Variants in FCHSD2 observed in about 807,000 individuals in gnomAD.
The protein encoded by FCHSD2 is F-BAR and double SH3 domains protein 2.
FCHSD2 carries 38 observed loss-of-function variants against 108.1 expected under a neutral mutation model. The ratio of observed to expected loss-of-function variants is 0.35; its 90% CI spans 0.27 to 0.46. The LOEUF (loss-of-function observed/expected upper bound fraction) is 0.46, where lower values mean the gene tolerates loss of function less well. Among genes scored for constraint, FCHSD2 ranks in the 20% least tolerant of loss-of-function variants. The pLI is 1.00. For missense variants in FCHSD2, 751 were observed against 897.8 expected (o/e 0.84, Z 2.09); for synonymous variants, 279 against 314.7 (o/e 0.89, Z 1.20).
In FCHSD2 at chr11:72,870,224, T is replaced by A. The variant is rs75745992; in HGVS notation, c.1147-2198A>T. ...TCCTTAGGCAGTTAATAATTCCTTT[T>A]TCTCTGCTCCTAAAGCACTCTATAT... is the stretch of plus-strand genomic sequence containing the variant. On this transcript the variant is annotated intron_variant, in intron 12 of 19. Coordinates refer to ENST00000409418, the MANE Select transcript of FCHSD2 (RefSeq NM_014824.3). Among the ~76,000 whole-genome samples the A allele has an allele frequency of 5.8e-3, 880 of 152,316 alleles. 4 individuals carry two copies. The highest frequency in any genetic ancestry group is 0.014 in the South Asian group (68 of 4,828).
chr11:73,112,642 T>C (rs2135547798), intron 2 of FCHSD2, among the ~76,000 whole-genome samples: 1 of 152,260 alleles, frequency 6.6e-6, no homozygotes, highest in Admixed American at 6.5e-5. Flanking sequence ...GCCTTTTTGT[T>C]GTTGGTGGTG....
intron 12 of FCHSD2, among the ~76,000 whole-genome samples, chr11:72,872,293 T>C (rs1179577213): frequency 4.4e-4 from 66 of 150,562 alleles, no homozygotes; most frequent in African/African-American, 1.3e-3. Flanking sequence ...TTTCTTTTTT[T>C]TTTTTTTTTT....
At chr11:72,941,221 A>G (rs1164022585) in intron 8 of FCHSD2, 1 of 265,348 alleles carries the variant, frequency 3.8e-6, no homozygotes, top group East Asian at 8.1e-5. Context: ...CAGAGGCCAC[A>G]TGAGTCTTGT....
chr11:73,033,327 C>T (rs1858411275), intron 3 of FCHSD2, among the ~76,000 whole-genome samples: 1 of 151,274 alleles, frequency 6.6e-6, no homozygotes. Flanking sequence ...GTCAGGGAGA[C>T]CCATAGGAGG....
At position 73,009,312 on chromosome 11, in the gene FCHSD2, C is replaced by T. The variant is rs147800570; in HGVS notation, c.242+6497G>A. ...AAGAGTTTGAGACCAGCCTGGCCAA[C>T]ATGGTGAAACTCCATCTCTACTAAA... is the stretch of plus-strand genomic sequence containing the variant. On this transcript the variant is annotated intron_variant, in intron 4 of 19. Coordinates refer to ENST00000409418, the MANE Select transcript of FCHSD2 (RefSeq NM_014824.3). 3.4e-3 allele frequency among the ~76,000 whole-genome samples: 523 copies of T among 152,096 alleles called. 1 individual carries two copies. Among genetic ancestry groups the T allele is most frequent in the African/African-American group, 0.012 (501 of 41,468 alleles).
chr11:72,857,172 C>T (rs1307536863), intron 13 of FCHSD2, among the ~76,000 whole-genome samples: 1 of 152,212 alleles, frequency 6.6e-6, no homozygotes, highest in East Asian at 1.9e-4. Context: ...ATAGCGGTCA[C>T]TGTCATATGC....
intron 2 of FCHSD2, among the ~76,000 whole-genome samples, chr11:73,110,150 CT>C (rs55744506): frequency 0.23 from 33,873 of 146,746 alleles, 4,507 homozygotes; most frequent in Middle Eastern, 0.38. Context: ...TAGTTTTCTT[CT>C]TTTTTTTTTT....
chr11:73,126,778 C>T (rs1463827340), intron 2 of FCHSD2, among the ~76,000 whole-genome samples: 2 of 152,164 alleles, frequency 1.3e-5, no homozygotes, highest in African/African-American at 4.8e-5. Context: ...TGGCTCACGT[C>T]TGTAATCCCA....
At chr11:72,994,100 T>A (rs1857475389) in intron 5 of FCHSD2, among the ~76,000 whole-genome samples, 2 of 152,146 alleles carry the variant, frequency 1.3e-5, no homozygotes, top group Admixed American at 1.3e-4. Context: ...CCTAGACCTG[T>A]CACTTGGAGG....
At chr11:73,030,215 T>G (rs1858326431) in intron 3 of FCHSD2, among the ~76,000 whole-genome samples, 2 of 152,146 alleles carry the variant, frequency 1.3e-5, no homozygotes, top group South Asian at 4.1e-4. Flanking sequence ...CGTGTGTGGG[T>G]AATCACAGTA....
intron 3 of FCHSD2, among the ~76,000 whole-genome samples, chr11:73,056,671 T>C (rs1431669800): frequency 2.0e-5 from 3 of 152,134 alleles, no homozygotes; most frequent in Non-Finnish European, 4.4e-5. Flanking sequence ...GCAAAATAGG[T>C]AGAGAAGAGA....
At chr11:72,914,238 C>T (rs1453298051) in intron 9 of FCHSD2, among the ~76,000 whole-genome samples, 2 of 152,114 alleles carry the variant, frequency 1.3e-5, no homozygotes, top group Admixed American at 6.6e-5. Flanking sequence ...TGATCTTGAA[C>T]TCCTGACCTA....
chr11:72,980,855 C>T (rs553159192), intron 8 of FCHSD2, among the ~76,000 whole-genome samples: 1 of 152,136 alleles, frequency 6.6e-6, no homozygotes, highest in East Asian at 1.9e-4. Context: ...CAAAGCCTAA[C>T]TCAGTAGTTA....
intron 12 of FCHSD2, among the ~76,000 whole-genome samples, chr11:72,871,018 C>T (rs547426990): frequency 3.2e-4 from 49 of 151,778 alleles, no homozygotes; most frequent in African/African-American, 1.2e-3. Flanking sequence ...ATGTGGCTGG[C>T]AGAAATAGCA....
intron 8 of FCHSD2, among the ~76,000 whole-genome samples, chr11:72,967,774 A>C (rs187971549): frequency 1.6e-4 from 25 of 152,292 alleles, no homozygotes; most frequent in African/African-American, 5.1e-4. Flanking sequence ...TATGTGAATT[A>C]TATCTAATTT....
In FCHSD2 at chr11:73,062,719, A is replaced by G. The variant is rs1320478228; in HGVS notation, c.165+20976T>C. The stretch of plus-strand genomic sequence containing the variant: ...TGAAGATAAACTTAATGAAATAAAG[A>G]AAGAAGACAAGATTACAGAAAAAAG... On this transcript the variant is annotated intron_variant, in intron 3 of 19. Transcript: ENST00000409418. Among the ~76,000 whole-genome samples, 7 of 152,324 alleles carry G rather than the reference A, an allele frequency of 4.6e-5. No individual in the cohort carries two copies. In the South Asian group the frequency reaches 1.5e-3, roughly 32 times the overall value.
At chr11:73,048,680 C>T (rs1172430982) in intron 3 of FCHSD2, among the ~76,000 whole-genome samples, 1 of 152,124 alleles carries the variant, frequency 6.6e-6, no homozygotes, top group African/African-American at 2.4e-5. Flanking sequence ...CTCTTAAAGC[C>T]TCATTTTAGA....
intron 8 of FCHSD2, among the ~76,000 whole-genome samples, chr11:72,953,837 A>G (rs1466116629): frequency 6.6e-6 from 1 of 152,174 alleles, no homozygotes; most frequent in Non-Finnish European, 1.5e-5. Context: ...TCTGGCATTA[A>G]GAGCTTGCTT....
At chr11:72,887,154 T>C (rs182204251) in intron 12 of FCHSD2, among the ~76,000 whole-genome samples, 1 of 151,948 alleles carries the variant, frequency 6.6e-6, no homozygotes, top group Non-Finnish European at 1.5e-5. Flanking sequence ...TAAATTGATA[T>C]ATATACATCA....
Sources: allele counts gnomAD v4.1 joint callset (sites outside exome capture counted in the v4.1 genomes callset), GRCh38; gene constraint gnomAD v4.1.1; transcripts MANE v1.5; gene names NCBI Gene and HGNC (gene_info 2026-07-23, HGNC 2026-07-21).